Variants in NALF1 observed in about 807,000 individuals in gnomAD.
The protein encoded by NALF1 is family with sequence similarity 155 member A.
A neutral mutation model predicts 48.4 loss-of-function variants in NALF1; 3 were observed. The observed-to-expected ratio is 0.06, with a 90% CI of 0.03 to 0.16. NALF1 has a LOEUF of 0.16. Ranked by LOEUF, NALF1 falls within the 10% of genes least tolerant of loss-of-function variation. The probability of loss-of-function intolerance (pLI) is 1.00; values close to 1 mark genes in which losing one functional copy is unlikely to be tolerated. For missense variants in NALF1, 526 were observed against 571.5 expected, an observed-to-expected ratio of 0.92 and a Z score of 0.81; for synonymous variants, 262 against 245.7, an observed-to-expected ratio of 1.07 and a Z score of -0.62.
At chr13:107,436,507 C>T (rs1884466546) in intron 1 of NALF1, among the ~76,000 whole-genome samples, 1 of 152,078 alleles carries the variant, frequency 6.6e-6, no homozygotes, top group Non-Finnish European at 1.5e-5. Context: ...GCAGTAAAAG[C>T]ATTTGACAAA....
At chr13:107,433,742 G>T (rs1221509972) in intron 1 of NALF1, among the ~76,000 whole-genome samples, 1 of 151,886 alleles carries the variant, frequency 6.6e-6, no homozygotes, top group African/African-American at 2.4e-5. Context: ...TATACTATCA[G>T]AAATTCTCAG....
At chr13:107,520,493 T>C (rs1330661592) in intron 1 of NALF1, among the ~76,000 whole-genome samples, 1 of 152,216 alleles carries the variant, frequency 6.6e-6, no homozygotes, top group Non-Finnish European at 1.5e-5. Flanking sequence ...TCTTTTGACA[T>C]AAATTGGAAA....
intron 1 of NALF1, among the ~76,000 whole-genome samples, chr13:107,281,575 G>A (rs186352643): frequency 2.0e-5 from 3 of 152,278 alleles, no homozygotes; most frequent in African/African-American, 7.2e-5. Context: ...ACTTGAGAAG[G>A]GATGAGTTAT....
chr13:107,818,871 C>CAAA lies in NALF1; in HGVS notation c.915+46808_915+46810dup, dbSNP rs774372636. Among the ~76,000 whole-genome samples the CAAA allele has an allele frequency of 3.0e-3, 222 of 73,738 alleles. 4 individuals carry two copies. The highest frequency in any genetic ancestry group is 8.9e-3 in the Middle Eastern group (1 of 112). The allele number at this position is 73,738 out of a possible 152,430, so 48.4% of individuals were successfully genotyped here. ...TGGGCGACAGAGCGAGACTCCGTCT[C>CAAA]AAAAAAAAAAAAAAAAAAAAAAAAA... On this transcript the variant is annotated intron_variant, in intron 1 of 2. Transcript: ENST00000375915.
intron 1 of NALF1, among the ~76,000 whole-genome samples, chr13:107,433,337 G>A (rs1594060406): frequency 6.6e-6 from 1 of 152,264 alleles, no homozygotes; most frequent in East Asian, 1.9e-4. Context: ...TAGAATAAAT[G>A]TGTCTTCTAA....
intron 1 of NALF1, among the ~76,000 whole-genome samples, chr13:107,391,164 CT>C (rs1883620500): frequency 6.6e-6 from 1 of 151,960 alleles, no homozygotes; most frequent in Admixed American, 6.6e-5. Flanking sequence ...TTTCCTAGCT[CT>C]GGGGATAAAG....
chr13:107,367,141 T>G (rs61967185), intron 1 of NALF1, among the ~76,000 whole-genome samples: 1 of 152,112 alleles, frequency 6.6e-6, no homozygotes, highest in East Asian at 1.9e-4. Flanking sequence ...GTAAGCTGTA[T>G]GTGCTTACAC....
At chr13:107,631,766 A>G (rs56318307) in intron 1 of NALF1, among the ~76,000 whole-genome samples, 87,878 of 151,906 alleles carry the variant, frequency 0.58, 27,901 homozygotes, top group East Asian at 0.99. Context: ...AAATCAAGAG[A>G]GAATTCATCT....
chr13:107,282,799 G>T (rs1881414911), intron 1 of NALF1, among the ~76,000 whole-genome samples: 1 of 152,170 alleles, frequency 6.6e-6, no homozygotes, highest in Admixed American at 6.5e-5. Context: ...TGAACCTCAG[G>T]AGAGATGCTG....
intron 1 of NALF1, among the ~76,000 whole-genome samples, chr13:107,430,742 T>G (rs375813338): frequency 8.6e-4 from 131 of 152,352 alleles, no homozygotes; most frequent in African/African-American, 2.4e-3. Context: ...CTATTGTGAA[T>G]AGTGCTGCAG....
chr13:107,254,062 A>AAAAAAAATATATATAT, intron 1 of NALF1, among the ~76,000 whole-genome samples: 1 of 138,582 alleles, frequency 7.2e-6, no homozygotes, highest in African/African-American at 2.7e-5. Flanking sequence ...CAAGTACTAA[A>AAAAAAAATATATATAT]ATATATATAT....
At chr13:107,715,711 C>T (rs568471353) in intron 1 of NALF1, among the ~76,000 whole-genome samples, 16 of 152,292 alleles carry the variant, frequency 1.1e-4, no homozygotes, top group Admixed American at 7.8e-4. Context: ...CTGTGAAGCA[C>T]GACACCACAG....
At chr13:107,274,076 C>A (rs74989899) in intron 1 of NALF1, among the ~76,000 whole-genome samples, 6,918 of 152,000 alleles carry the variant, frequency 0.046, 212 homozygotes, top group South Asian at 0.064. Context: ...AATTCACTTT[C>A]GTACATAATT....
intron 1 of NALF1, among the ~76,000 whole-genome samples, chr13:107,692,451 A>T (rs1361177406): frequency 6.6e-6 from 1 of 152,180 alleles, no homozygotes; most frequent in Non-Finnish European, 1.5e-5. Flanking sequence ...TTTTTCATTT[A>T]AAACCTCAAT....
chr13:107,531,464 G>A lies in NALF1; in HGVS notation c.916-320709C>T, dbSNP rs182682593. On this transcript the variant is annotated intron_variant, in intron 1 of 2. Transcript: ENST00000375915. ...GAAGCCGAGCAGATGCCAGAACCATGGGTCCTATAAAGCCTGAAGAATCAT... is the reference window on the plus strand; with the variant it reads ...GAAGCCGAGCAGATGCCAGAACCATAGGTCCTATAAAGCCTGAAGAATCAT... Among the ~76,000 whole-genome samples, 19 of 152,118 alleles carry A rather than the reference G, an allele frequency of 1.2e-4. No homozygotes were observed. The East Asian group carries it at 3.5e-3, about 28-fold the overall frequency.
rs150036223 is a variant in NALF1, at chr13:107,362,896, T to C, written c.916-152141A>G. ...GGGTTATCTATACATACCTTTAGGC[T>C]CATGATAAAGGTAGAAACTATCTTC... On this transcript the variant is annotated intron_variant, in intron 1 of 2. Coordinates refer to ENST00000375915, the MANE Select transcript of NALF1 (RefSeq NM_001080396.3). The surrounding 1 kb of genome is among the most constrained non-coding windows in gnomAD (Gnocchi z 4.6). 7.6e-4 allele frequency among the ~76,000 whole-genome samples: 116 copies of C among 152,272 alleles called. No individual in the cohort carries two copies. The highest frequency in any genetic ancestry group is 2.6e-3 in the African/African-American group (110 of 41,554).
chr13:107,289,362 C>A (rs1160560338), intron 1 of NALF1, among the ~76,000 whole-genome samples: 1 of 152,140 alleles, frequency 6.6e-6, no homozygotes, highest in African/African-American at 2.4e-5. Flanking sequence ...TGTTTAATCC[C>A]CATGACTTAG....
intron 1 of NALF1, among the ~76,000 whole-genome samples, chr13:107,486,178 G>A (rs1033469489): frequency 2.0e-5 from 3 of 152,148 alleles, no homozygotes; most frequent in African/African-American, 7.2e-5. Context: ...ACGTTAACAA[G>A]GTTCGGTTTC....
At chr13:107,297,978 C>T (rs1403297074) in intron 1 of NALF1, among the ~76,000 whole-genome samples, 2 of 152,146 alleles carry the variant, frequency 1.3e-5, no homozygotes, top group Non-Finnish European at 2.9e-5. Flanking sequence ...TACAGTAAAA[C>T]CCATCTGCTG....
Sources: allele counts gnomAD v4.1 joint callset (sites outside exome capture counted in the v4.1 genomes callset), GRCh38; gene constraint gnomAD v4.1.1; non-coding constraint Gnocchi (gnomAD v3.1); transcripts MANE v1.5; gene names NCBI Gene and HGNC (gene_info 2026-07-23, HGNC 2026-07-21).